SYS1: variants seen among roughly 807,000 people sequenced by gnomAD.
SYS1 encodes the protein SYS1 golgi trafficking protein, also known as protein SYS1 homolog.
In SYS1, 8 loss-of-function variants were observed where a neutral mutation model predicts 17.8. The ratio of observed to expected loss-of-function variants is 0.45; its 90% CI spans 0.26 to 0.81. The LOEUF is 0.81. Ranked by LOEUF, SYS1 falls within the 40% of genes least tolerant of loss-of-function variation. The pLI, the probability that SYS1 is intolerant of heterozygous loss-of-function variation, is 0.16. For missense variants in SYS1, 161 were observed against 203.9 expected, an observed-to-expected ratio of 0.79 and a Z score of 1.28; for synonymous variants, 95 against 90.9, an observed-to-expected ratio of 1.05 and a Z score of -0.26.
downstream of SYS1, chr20:45,373,642 G>A: frequency 2.0e-6 from 1 of 495,926 alleles, no homozygotes; most frequent in Non-Finnish European, 3.7e-6. Flanking sequence ...CGATTGTGAG[G>A]CACTTTGCAC....
chr20:45,374,795 C>G (rs370578709), exon 4 of SYS1: 1 of 551,450 alleles, frequency 1.8e-6, no homozygotes, highest in Non-Finnish European at 3.2e-6. Context: ...TGGCTCACTT[C>G]AGTGCCCCTC....
In SYS1 at chr20:45,363,541, C is replaced by G. The variant is rs1988295565; in HGVS notation, c.10C>G (p.Gln4Glu). The G allele has an allele frequency of 1.3e-6, 2 of 1,553,372 alleles. No homozygotes were observed. The highest frequency in any genetic ancestry group is 1.7e-6 in the Non-Finnish European group (2 of 1,150,952). MAG[Q>E]FRSYVWDPLL... ...CGTGTCCCTGCAGGGCATGGCGGGT[C>G]AGTTCCGCAGCTACGTGTGGGACCC... The change falls in exon 2 of 4, where the codon CAG (glutamine) becomes GAG (glutamate). Residue 4 changes from glutamine (Q) to glutamate (E), a missense_variant. Gln to Glu is a conservative substitution (Grantham distance 29). Coordinates refer to ENST00000243918, the MANE Select transcript of SYS1 (RefSeq NM_033542.4).
At chr20:45,375,548 T>C in exon 4 of SYS1, 1 of 1,604,854 alleles carries the variant, frequency 6.2e-7, no homozygotes, top group South Asian at 1.1e-5. Context: ...CAGGCACTGT[T>C]TTCCCTGGCA....
chr20:45,368,052 A>T lies in SYS1; in HGVS notation c.*937A>T. ...CTGCTAAGATTTTTCTTTGGGGTGG[A>T]GTTTCCTCTGTGAGGGGCTTGCAGC... On this transcript the variant is annotated 3_prime_UTR_variant, in exon 4 of 4. Transcript: ENST00000243918. The T allele has an allele frequency of 1.0e-6, 1 of 985,450 alleles. No homozygotes were observed. Among genetic ancestry groups the T allele is most frequent in the Non-Finnish European group, 1.2e-6 (1 of 829,998 alleles). 61.0% of individuals were successfully genotyped at this position (985,450 alleles called of 1,614,324 possible). A position where few individuals can be genotyped will look rare whatever the true frequency, so the allele number is the denominator to read the frequency against.
chr20:45,363,050 C>A (rs1988270892), upstream of SYS1: 1 of 955,854 alleles, frequency 1.0e-6, no homozygotes, highest in African/African-American at 1.8e-5. Flanking sequence ...GCTCAGTTCG[C>A]TATCCGGCTG....
exon 4 of SYS1, chr20:45,374,392 C>T (rs1988657898): frequency 6.4e-6 from 4 of 620,636 alleles, no homozygotes; most frequent in Middle Eastern, 4.2e-4. Flanking sequence ...CGACCTCAGC[C>T]TCCTGAGTAG....
upstream of SYS1, chr20:45,361,986 G>T (rs1026017477): frequency 3.0e-5 from 30 of 985,156 alleles, no homozygotes; most frequent in Non-Finnish European, 3.4e-5. Context: ...GGGAACCTAG[G>T]ATCAATGAAG....
downstream of SYS1, chr20:45,373,999 A>G (rs773867397): frequency 4.0e-5 from 65 of 1,614,030 alleles, no homozygotes; most frequent in Non-Finnish European, 5.3e-5. Context: ...GCTCTCGTCC[A>G]GGTCACATCA....
In SYS1 at chr20:45,367,566, C is replaced by A. The variant is rs1326764176; in HGVS notation, c.*451C>A. Reference sequence around the variant, plus strand: ...CCTTTGCAGTGTTGCCGAATCACAGCAGTTCTGTTGGAGAAACGCTTGGTT... The same window carrying A: ...CCTTTGCAGTGTTGCCGAATCACAGAAGTTCTGTTGGAGAAACGCTTGGTT... On this transcript the variant is annotated 3_prime_UTR_variant, in exon 4 of 4. Coordinates refer to ENST00000243918, the MANE Select transcript of SYS1 (RefSeq NM_033542.4). 2.0e-6 allele frequency: 2 copies of A among 997,308 alleles called. No individual in the cohort carries two copies. The highest frequency in any genetic ancestry group is 2.4e-6 in the Non-Finnish European group (2 of 836,322). The allele number at this position is 997,308 out of a possible 1,614,324, so 61.8% of individuals were successfully genotyped here. A position where few individuals can be genotyped will look rare whatever the true frequency, so the allele number is the denominator to read the frequency against.
chr20:45,361,978 G>A, upstream of SYS1: 1 of 985,240 alleles, frequency 1.0e-6, no homozygotes, highest in Non-Finnish European at 1.2e-6. Flanking sequence ...CAGAGAGGGG[G>A]AACCTAGGAT....
downstream of SYS1, among the ~76,000 whole-genome samples, chr20:45,370,628 C>G (rs1380235130): frequency 6.6e-6 from 1 of 151,896 alleles, no homozygotes; most frequent in Non-Finnish European, 1.5e-5. Flanking sequence ...CTGGAGGGTA[C>G]ACAGCTCAAA....
At chr20:45,370,381 C>T (rs1175648246), downstream of SYS1, among the ~76,000 whole-genome samples, 2 of 152,160 alleles carry the variant, frequency 1.3e-5, no homozygotes, top group African/African-American at 2.4e-5. Flanking sequence ...TTTTCCCACC[C>T]ACCACCTGAA....
exon 4 of SYS1, chr20:45,374,409 C>A: frequency 1.7e-6 from 1 of 598,054 alleles, no homozygotes; most frequent in South Asian, 2.1e-5. Context: ...GTAGCTGATA[C>A]TACAAGCGCA....
chr20:45,374,013 T>A (rs183076524), downstream of SYS1: 306 of 1,613,920 alleles, frequency 1.9e-4, 1 homozygote, highest in Non-Finnish European at 4.7e-5. Flanking sequence ...CACATCAACC[T>A]GCCAGCAGAA....
chr20:45,363,751 T>C, intron 2 of SYS1, 58 bp downstream of exon 2: 2 of 1,517,232 alleles, frequency 1.3e-6, no homozygotes, highest in Non-Finnish European at 8.8e-7. Flanking sequence ...GGCTTTGTGG[T>C]CCATCACTAC....
Position 45,367,206 on chromosome 20 carries a change from A to C in SYS1, c.*91A>C. 6.5e-7 allele frequency: 1 copy of C among 1,544,110 alleles called. No homozygotes were observed. Among genetic ancestry groups the C allele is most frequent in the Non-Finnish European group, 8.7e-7 (1 of 1,145,550 alleles). ...CCAGATGAGGTCCAGCCCAGATCTG[A>C]GAGGAACCCTGGAAATGTGAAGTCT... On this transcript the variant is annotated 3_prime_UTR_variant, in exon 4 of 4. Coordinates refer to ENST00000243918, the MANE Select transcript of SYS1 (RefSeq NM_033542.4).
chr20:45,374,330 T>A, exon 4 of SYS1: 1 of 685,758 alleles, frequency 1.5e-6, no homozygotes, highest in Non-Finnish European at 2.6e-6. Context: ...TGGAGTGCAG[T>A]GGCGAAGTCA....
At chr20:45,370,237 A>AT (rs1988533476), downstream of SYS1, among the ~76,000 whole-genome samples, 1 of 152,102 alleles carries the variant, frequency 6.6e-6, no homozygotes, top group South Asian at 2.1e-4. Flanking sequence ...TTGGCCAGAG[A>AT]TTTTCAGATG....
intron 2 of SYS1, 42 bp downstream of exon 2, chr20:45,363,735 C>G: frequency 6.5e-7 from 1 of 1,536,260 alleles, no homozygotes. Context: ...TCGGCCTCCC[C>G]GAGTAGGCTT....
Sources: allele counts gnomAD v4.1 joint callset (sites outside exome capture counted in the v4.1 genomes callset), GRCh38; gene constraint gnomAD v4.1.1; transcripts MANE v1.5; gene names NCBI Gene and HGNC (gene_info 2026-07-23, HGNC 2026-07-21).